KCND2: variants seen among roughly 807,000 people sequenced by gnomAD.
KCND2 encodes potassium voltage-gated channel subfamily D member 2.
KCND2 carries 16 observed loss-of-function variants against 54.4 expected under a neutral mutation model. That is an observed-to-expected ratio of 0.29 (90% CI 0.20 to 0.45). The LOEUF (loss-of-function observed/expected upper bound fraction) is 0.45, where lower values mean the gene tolerates loss of function less well. Among genes scored for constraint, KCND2 ranks in the 20% least tolerant of loss-of-function variants. The pLI is 1.00. For synonymous variants in KCND2, 317 were observed against 310.7 expected, an observed-to-expected ratio of 1.02 and a Z score of -0.21; for missense variants, 486 against 824.2, an observed-to-expected ratio of 0.59 and a Z score of 5.02.
chr7:120,548,867 GGCAGATGCTGA>G (rs1792073799), intron 1 of KCND2, among the ~76,000 whole-genome samples: 1 of 152,110 alleles, frequency 6.6e-6, no homozygotes, highest in Non-Finnish European at 1.5e-5. Context: ...AGGCTGACAA[GGCAGATGCTGA>G]GCATCATACA....
chr7:120,695,832 G>A (rs1792326617), intron 1 of KCND2, among the ~76,000 whole-genome samples: 2 of 152,134 alleles, frequency 1.3e-5, no homozygotes, highest in Admixed American at 1.3e-4. Context: ...AAAGTAGAAG[G>A]ACACTGAGTA....
intron 1 of KCND2, among the ~76,000 whole-genome samples, chr7:120,347,868 G>C (rs1267922046): frequency 6.6e-6 from 1 of 152,120 alleles, no homozygotes; most frequent in Non-Finnish European, 1.5e-5. Flanking sequence ...ATTTCTCCCA[G>C]TTCTGCAGGC....
chr7:120,596,045 A>G (rs1270234189), intron 1 of KCND2, among the ~76,000 whole-genome samples: 2 of 152,096 alleles, frequency 1.3e-5, no homozygotes, highest in African/African-American at 2.4e-5. Context: ...CCAGACCCCA[A>G]TGTTTTCAGC....
At chr7:120,391,608 T>A (rs1296002076) in intron 1 of KCND2, among the ~76,000 whole-genome samples, 1 of 152,168 alleles carries the variant, frequency 6.6e-6, no homozygotes, top group Non-Finnish European at 1.5e-5. Context: ...TGATCACCAT[T>A]CTAACTGGTG....
intron 1 of KCND2, among the ~76,000 whole-genome samples, chr7:120,674,723 G>A (rs577544981): frequency 6.6e-6 from 1 of 152,326 alleles, no homozygotes; most frequent in South Asian, 2.1e-4. Flanking sequence ...TAGTTCTGCA[G>A]TTTCACAAAC....
At chr7:120,624,314 A>G (rs1393377561) in intron 1 of KCND2, among the ~76,000 whole-genome samples, 1 of 152,214 alleles carries the variant, frequency 6.6e-6, no homozygotes, top group Non-Finnish European at 1.5e-5. Context: ...TTTTCTACTA[A>G]AAGTACACAT....
chr7:120,464,124 T>C, intron 1 of KCND2: 1 of 957,082 alleles, frequency 1.0e-6, no homozygotes, highest in Non-Finnish European at 1.2e-6. Flanking sequence ...CTAGCTATCA[T>C]TTAGACTATA....
chr7:120,444,408 A>G (rs1801990206), intron 1 of KCND2, among the ~76,000 whole-genome samples: 1 of 152,134 alleles, frequency 6.6e-6, no homozygotes, highest in South Asian at 2.1e-4. Flanking sequence ...CAGTATATGG[A>G]CTTAGCTACC....
intron 1 of KCND2, among the ~76,000 whole-genome samples, chr7:120,487,302 C>T (rs1455124404): frequency 1.3e-5 from 2 of 151,682 alleles, no homozygotes; most frequent in Non-Finnish European, 2.9e-5. Context: ...ATATCAGAAA[C>T]TGAGCTAAAT....
At chr7:120,613,913 A>T (rs749027517) in intron 1 of KCND2, among the ~76,000 whole-genome samples, 11 of 152,198 alleles carry the variant, frequency 7.2e-5, no homozygotes, top group Non-Finnish European at 1.5e-4. Context: ...TGATGAAATT[A>T]TGCAATTTTC....
At chr7:120,339,637 C>T (rs1292330699) in intron 1 of KCND2, among the ~76,000 whole-genome samples, 4 of 151,786 alleles carry the variant, frequency 2.6e-5, no homozygotes, top group South Asian at 2.1e-4. Flanking sequence ...ACCAACTGTC[C>T]GGGACTATTC....
intron 1 of KCND2, among the ~76,000 whole-genome samples, chr7:120,324,694 T>A (rs1799946760): frequency 6.6e-6 from 1 of 151,604 alleles, no homozygotes; most frequent in Admixed American, 6.6e-5. Flanking sequence ...GCTGTTTTGG[T>A]TACTGTAGCC....
chr7:120,747,582 T>G lies in KCND2; in HGVS notation c.1716-99T>G, dbSNP rs2116195118. 3.7e-6 allele frequency: 3 copies of G among 810,312 alleles called. No individual in the cohort carries two copies. The South Asian group carries it at 4.7e-5, about 13-fold the overall frequency. The allele number at this position is 810,312 out of a possible 1,614,324, so 50.2% of individuals were successfully genotyped here. A position where few individuals can be genotyped will look rare whatever the true frequency, so the allele number is the denominator to read the frequency against. On this transcript the variant is annotated intron_variant, in intron 5 of 5. Transcript: ENST00000331113. ...ATTATAATAACTTTCCTTAGACAATTAAAATATTTTTATAAGCATTACAAC... is the reference window on the plus strand; with the variant it reads ...ATTATAATAACTTTCCTTAGACAATGAAAATATTTTTATAAGCATTACAAC...
intron 1 of KCND2, among the ~76,000 whole-genome samples, chr7:120,678,646 A>G (rs965887042): frequency 6.8e-6 from 1 of 147,526 alleles, no homozygotes; most frequent in Non-Finnish European, 1.5e-5. Context: ...ACACACACAT[A>G]TATACACATA....
Position 120,274,959 on chromosome 7 carries a change from C to A in KCND2, c.327C>A (p.His109Gln). ...YRTGKLHYPR[H>Q]ECISAYDEEL... ...CTGGGAAGCTCCACTATCCTCGCCACGAGTGCATCTCTGCTTACGATGAAG... is the reference window on the plus strand; with the variant it reads ...CTGGGAAGCTCCACTATCCTCGCCAAGAGTGCATCTCTGCTTACGATGAAG... Residue 109 changes from histidine to glutamine, a missense_variant, in exon 1 of 6, where the codon CAC becomes CAA. Physicochemically the swap from His to Gln is conservative, Grantham distance 24. Transcript: ENST00000331113. 1.2e-6 allele frequency: 2 copies of A among 1,614,112 alleles called. No individual in the cohort carries two copies. Among genetic ancestry groups the A allele is most frequent in the African/African-American group, 1.3e-5 (1 of 75,056 alleles).
chr7:120,314,952 CTTT>C (rs112227168), intron 1 of KCND2, among the ~76,000 whole-genome samples: 6 of 149,478 alleles, frequency 4.0e-5, no homozygotes, highest in African/African-American at 1.5e-4. Flanking sequence ...ACCACTGAAA[CTTT>C]TTTTTTTAAA....
At chr7:120,603,823 T>G (rs1245891350) in intron 1 of KCND2, among the ~76,000 whole-genome samples, 1 of 152,176 alleles carries the variant, frequency 6.6e-6, no homozygotes. Context: ...ATTGAAAATT[T>G]TGCACAATGT....
At chr7:120,283,635 T>G (rs998158497) in intron 1 of KCND2, among the ~76,000 whole-genome samples, 1 of 152,160 alleles carries the variant, frequency 6.6e-6, no homozygotes, top group African/African-American at 2.4e-5. Context: ...AAGACAAGGC[T>G]AGTGCTCAGT....
At chr7:120,496,140 T>TC (rs1212332812) in intron 1 of KCND2, among the ~76,000 whole-genome samples, 3 of 152,164 alleles carry the variant, frequency 2.0e-5, no homozygotes, top group East Asian at 3.9e-4. Context: ...GCATCCACTC[T>TC]GAGTCAGAAA....
Sources: gnomAD v4.1 joint callset for allele counts (sites outside exome capture counted in the v4.1 genomes callset) on GRCh38, gnomAD v4.1.1 for gene constraint, MANE v1.5 for transcripts, NCBI Gene and HGNC (gene_info 2026-07-23, HGNC 2026-07-21) for gene names.